Variants in TMEM132C observed in about 807,000 individuals in gnomAD.
The protein encoded by TMEM132C is transmembrane protein 132C.
Under a neutral mutation model 61.4 loss-of-function variants are expected in TMEM132C, and 29 were observed. The observed-to-expected ratio is 0.47, with a 90% CI of 0.35 to 0.64. The LOEUF is 0.64. Among genes scored for constraint, TMEM132C ranks in the 30% least tolerant of loss-of-function variants. TMEM132C has a pLI of 0.00. For missense variants in TMEM132C, 1,408 were observed against 1,476.9 expected (o/e 0.95, Z 0.76); for synonymous variants, 656 against 633.1 (o/e 1.04, Z -0.54).
At chr12:128,306,033 A>T (rs11059637) in intron 1 of TMEM132C, among the ~76,000 whole-genome samples, 28,883 of 152,088 alleles carry the variant, frequency 0.19, 3,431 homozygotes, top group Non-Finnish European at 0.26. Flanking sequence ...GTCTGAGTCT[A>T]TATTCATCCC....
chr12:128,665,986 C>G (rs867507199), intron 4 of TMEM132C, among the ~76,000 whole-genome samples: 1 of 146,878 alleles, frequency 6.8e-6, no homozygotes, highest in African/African-American at 2.6e-5. Flanking sequence ...CCCGTAAACA[C>G]ACAGGCACTC....
intron 4 of TMEM132C, among the ~76,000 whole-genome samples, chr12:128,663,022 C>T (rs186984741): frequency 1.8e-3 from 273 of 152,312 alleles, no homozygotes; most frequent in African/African-American, 5.9e-3. Flanking sequence ...AATCGAAAGC[C>T]GGATCTGAGC....
At chr12:128,374,645 T>A (rs7487218) in intron 1 of TMEM132C, among the ~76,000 whole-genome samples, 137,940 of 151,838 alleles carry the variant, frequency 0.91, 64,144 homozygotes, top group East Asian at 1. Context: ...ACAGTCCCTG[T>A]CCTCCTGGCC....
At chr12:128,594,170 C>T (rs1489738495) in intron 3 of TMEM132C, among the ~76,000 whole-genome samples, 2 of 152,170 alleles carry the variant, frequency 1.3e-5, no homozygotes, top group African/African-American at 2.4e-5. Context: ...AGCACTGAGT[C>T]CTTCGCCCTG....
chr12:128,586,105 C>A (rs1875537712), intron 3 of TMEM132C, among the ~76,000 whole-genome samples: 1 of 152,182 alleles, frequency 6.6e-6, no homozygotes, highest in South Asian at 2.1e-4. Context: ...ATATATGTAT[C>A]AATGCATAGC....
At chr12:128,461,520 G>A (rs142615239) in intron 2 of TMEM132C, among the ~76,000 whole-genome samples, 19 of 152,214 alleles carry the variant, frequency 1.2e-4, no homozygotes, top group African/African-American at 4.1e-4. Context: ...CTTAAAAGGG[G>A]AAGCAAAGTT....
chr12:128,380,156 A>G (rs557665556), intron 1 of TMEM132C, among the ~76,000 whole-genome samples: 2 of 152,332 alleles, frequency 1.3e-5, no homozygotes, highest in East Asian at 1.9e-4. Flanking sequence ...TCCTGTCCTT[A>G]TTTTACTACA....
At chr12:128,289,208 TA>T (rs2135906879) in intron 1 of TMEM132C, among the ~76,000 whole-genome samples, 1 of 152,276 alleles carries the variant, frequency 6.6e-6, no homozygotes, top group African/African-American at 2.4e-5. Flanking sequence ...ACTTGTTCAT[TA>T]ATGCGCATAT....
intron 3 of TMEM132C, among the ~76,000 whole-genome samples, chr12:128,614,495 A>G (rs1016880081): frequency 3.3e-5 from 5 of 152,146 alleles, no homozygotes; most frequent in African/African-American, 9.7e-5. Context: ...TTGTGATGTC[A>G]TATTTGACCA....
chr12:128,422,371 G>A (rs1259826412), intron 2 of TMEM132C, among the ~76,000 whole-genome samples: 2 of 152,212 alleles, frequency 1.3e-5, no homozygotes, highest in South Asian at 2.1e-4. Context: ...CGGGTAGGGG[G>A]TGTGAATGTT....
chr12:128,596,820 C>CTTCCCACTGAAGACTGTTTGTTAATA (rs374450073), intron 3 of TMEM132C, among the ~76,000 whole-genome samples: 2,557 of 152,326 alleles, frequency 0.017, 86 homozygotes, highest in African/African-American at 0.058. Flanking sequence ...ACGCAGGGCT[C>CTTCCCACTGAAGACTGTTTGTTAATA]TTCCCACTGA....
At chr12:128,688,426 C>G (rs1021265289) in intron 5 of TMEM132C, among the ~76,000 whole-genome samples, 1 of 151,678 alleles carries the variant, frequency 6.6e-6, no homozygotes, top group African/African-American at 2.4e-5. Flanking sequence ...AGTATGAAAA[C>G]AATAGGCAAA....
chr12:128,393,091 G>A (rs980669135), intron 1 of TMEM132C, among the ~76,000 whole-genome samples: 5 of 152,220 alleles, frequency 3.3e-5, no homozygotes, highest in Non-Finnish European at 7.3e-5. Context: ...GCCTATCATG[G>A]CATGCAACTT....
intron 5 of TMEM132C, among the ~76,000 whole-genome samples, chr12:128,692,012 C>T (rs989586530): frequency 6.8e-6 from 1 of 147,818 alleles, no homozygotes; most frequent in Non-Finnish European, 1.5e-5. Flanking sequence ...GTGTGTCCAT[C>T]CACCCATCAG....
At chr12:128,320,159 G>A (rs535887878) in intron 1 of TMEM132C, among the ~76,000 whole-genome samples, 62 of 152,180 alleles carry the variant, frequency 4.1e-4, no homozygotes, top group Non-Finnish European at 7.9e-4. Context: ...TATTTTTCTC[G>A]GATGAATTGC....
In TMEM132C at chr12:128,570,476, A is replaced by G. The variant is rs1874839145; in HGVS notation, c.1121+26373A>G. On this transcript the variant is annotated intron_variant, in intron 3 of 8. Coordinates refer to ENST00000435159, the MANE Select transcript of TMEM132C (RefSeq NM_001136103.3). The surrounding 1 kb of genome is among the most constrained non-coding windows in gnomAD (Gnocchi z 4.7). ...GGTTTTGCCTTCTTTTTTACGTGTC[A>G]CTCCCCTAATGGGTGTTTTTACTGA... 6.6e-6 allele frequency among the ~76,000 whole-genome samples: 1 copy of G among 151,538 alleles called. No homozygotes were observed. Among genetic ancestry groups the G allele is most frequent in the Admixed American group, 6.6e-5 (1 of 15,206 alleles).
chr12:128,578,136 T>C (rs893669610), intron 3 of TMEM132C, among the ~76,000 whole-genome samples: 21 of 152,244 alleles, frequency 1.4e-4, no homozygotes, highest in Non-Finnish European at 3.1e-4. Flanking sequence ...TTCTTGGCCT[T>C]GGGCCCGCTT....
chr12:128,541,663 T>C (rs543564891), intron 2 of TMEM132C, among the ~76,000 whole-genome samples: 2 of 152,144 alleles, frequency 1.3e-5, no homozygotes, highest in South Asian at 4.1e-4. Context: ...ACAATTCCTG[T>C]TTGCTGGTTC....
intron 1 of TMEM132C, among the ~76,000 whole-genome samples, chr12:128,314,915 T>C (rs141814572): frequency 6.6e-6 from 1 of 152,296 alleles, no homozygotes; most frequent in Non-Finnish European, 1.5e-5. Context: ...TGTGAGATGA[T>C]TCACAGAGCT....
Sources: allele counts gnomAD v4.1 joint callset (sites outside exome capture counted in the v4.1 genomes callset), GRCh38; gene constraint gnomAD v4.1.1; non-coding constraint Gnocchi (gnomAD v3.1); transcripts MANE v1.5; gene names NCBI Gene and HGNC (gene_info 2026-07-23, HGNC 2026-07-21).